ARFGEF1: variants seen among roughly 807,000 people sequenced by gnomAD.
ARFGEF1 encodes ARF guanine nucleotide exchange factor 1.
In ARFGEF1, 42 loss-of-function variants were observed where a neutral mutation model predicts 231.0. The ratio of observed to expected loss-of-function variants is 0.18; its 90% CI spans 0.14 to 0.24. The LOEUF (loss-of-function observed/expected upper bound fraction) is 0.24, where lower values mean the gene tolerates loss of function less well. Ranked by LOEUF, ARFGEF1 falls within the 10% of genes least tolerant of loss-of-function variation. The probability of loss-of-function intolerance (pLI) is 1.00; values close to 1 mark genes in which losing one functional copy is unlikely to be tolerated. For missense variants in ARFGEF1, 1,345 were observed against 2,192.0 expected (o/e 0.61, Z 7.72); for synonymous variants, 710 against 732.3 (o/e 0.97, Z 0.49).
chr8:67,216,768 A>C, intron 32 of ARFGEF1, 106 bp from the exon 33 acceptor site: 2 of 774,966 alleles, frequency 2.6e-6, no homozygotes, highest in Non-Finnish European at 4.0e-6. Context: ...TACCAACTAA[A>C]CAGTCCATCT....
intron 17 of ARFGEF1, among the ~76,000 whole-genome samples, chr8:67,254,149 C>G (rs1355177602): frequency 6.6e-6 from 1 of 152,166 alleles, no homozygotes; most frequent in Non-Finnish European, 1.5e-5. Context: ...TACAAAGTAT[C>G]CTTGGAATGT....
At chr8:67,278,929 A>C (rs1356265895) in intron 7 of ARFGEF1, among the ~76,000 whole-genome samples, 2 of 152,116 alleles carry the variant, frequency 1.3e-5, no homozygotes, top group African/African-American at 4.8e-5. Context: ...CTAATGTTTG[A>C]TGTGCTAAAT....
Position 67,276,067 on chromosome 8 carries a change from A to C in ARFGEF1, c.1246T>G (p.Ser416Ala), listed in dbSNP as rs537950704. Residue 416 changes from serine (S) to alanine (A), a missense_variant, in exon 9 of 39, where the codon TCC becomes GCC. Physicochemically the swap from Ser to Ala is moderately conservative, Grantham distance 99. Transcript: ENST00000262215. The stretch of plus-strand genomic sequence containing the variant: ...AAGGCATCCTTTTGTAAAATGTGGG[A>C]AAACTTAGCACCAGGTGAAGGTCCT... ...SSGPSPGAKF[S>A]HILQKDAFLV... 6.2e-7 allele frequency: 1 copy of C among 1,613,428 alleles called. No individual in the cohort carries two copies. The highest frequency in any genetic ancestry group is 1.7e-5 in the Admixed American group (1 of 59,988).
chr8:67,199,126 G>A, intron 38 of ARFGEF1, 28 bp from the exon 39 acceptor site: 1 of 1,595,280 alleles, frequency 6.3e-7, no homozygotes, highest in Non-Finnish European at 8.5e-7. Context: ...TTCTCCATTA[G>A]TAGTGATTGC....
chr8:67,191,417 T>A (rs1271611135), intron 5 of ARFGEF1, among the ~76,000 whole-genome samples: 1 of 152,268 alleles, frequency 6.6e-6, no homozygotes, highest in Admixed American at 6.5e-5. Flanking sequence ...CGTTATTATA[T>A]GTACAGCATT....
At chr8:67,186,401 A>G (rs1834585462) in intron 5 of ARFGEF1, among the ~76,000 whole-genome samples, 1 of 142,934 alleles carries the variant, frequency 7.0e-6, no homozygotes, top group African/African-American at 2.8e-5. Flanking sequence ...TGTGAAATAA[A>G]CCTCACTGTT....
At chr8:67,292,614 C>T (rs1219679076) in intron 5 of ARFGEF1, among the ~76,000 whole-genome samples, 1 of 151,956 alleles carries the variant, frequency 6.6e-6, no homozygotes, top group Non-Finnish European at 1.5e-5. Context: ...AATAGAATTA[C>T]AATGAAGGCT....
intron 5 of ARFGEF1, chr8:67,175,662 TCAC>T: frequency 4.6e-6 from 3 of 655,002 alleles, no homozygotes; most frequent in South Asian, 4.5e-5. Context: ...GCCCAGTCAT[TCAC>T]TGTAGCCAGG....
At chr8:67,342,164 G>A (rs1307489602) in intron 1 of ARFGEF1, among the ~76,000 whole-genome samples, 2 of 152,142 alleles carry the variant, frequency 1.3e-5, no homozygotes, top group Non-Finnish European at 2.9e-5. Context: ...TATTTCCAGT[G>A]CTATAAAGTG....
intron 7 of ARFGEF1, among the ~76,000 whole-genome samples, chr8:67,286,544 A>G (rs141163369): frequency 0.018 from 2,712 of 152,308 alleles, 41 homozygotes; most frequent in Admixed American, 0.043. Flanking sequence ...ACAAATAAGC[A>G]TGGCTGTGTC....
At chr8:67,314,867 T>G (rs1225676932) in intron 1 of ARFGEF1, among the ~76,000 whole-genome samples, 1 of 152,014 alleles carries the variant, frequency 6.6e-6, no homozygotes, top group East Asian at 1.9e-4. Flanking sequence ...GGACCCCAAC[T>G]CTATAAAAAA....
intron 1 of ARFGEF1, among the ~76,000 whole-genome samples, chr8:67,342,338 A>G (rs763735703): frequency 6.6e-6 from 1 of 152,186 alleles, no homozygotes; most frequent in Non-Finnish European, 1.5e-5. Context: ...TGCGGGCTTC[A>G]TTACACTAGA....
At chr8:67,278,203 C>A (rs1052371673) in intron 7 of ARFGEF1, among the ~76,000 whole-genome samples, 7 of 151,984 alleles carry the variant, frequency 4.6e-5, no homozygotes, top group Non-Finnish European at 7.4e-5. Flanking sequence ...TAAGATAGTA[C>A]GAGAGACACA....
At chr8:67,195,596 TA>T (rs1333717740), downstream of ARFGEF1, 1 of 1,613,446 alleles carries the variant, frequency 6.2e-7, no homozygotes, top group Non-Finnish European at 8.5e-7. Context: ...ATGGTTAAAA[TA>T]AACCTGTACT....
At chr8:67,316,133 T>C (rs1425760408) in intron 1 of ARFGEF1, among the ~76,000 whole-genome samples, 1 of 152,082 alleles carries the variant, frequency 6.6e-6, no homozygotes, top group Non-Finnish European at 1.5e-5. Context: ...TAAGAGGGAC[T>C]AGGTGCAAAC....
At chr8:67,195,398 G>C (rs1193094903), downstream of ARFGEF1, 1 of 1,613,720 alleles carries the variant, frequency 6.2e-7, no homozygotes, top group African/African-American at 1.3e-5. Context: ...AGAGTTCACT[G>C]GTTGACCCTG....
chr8:67,302,233 T>C (rs1023520660), intron 2 of ARFGEF1, among the ~76,000 whole-genome samples: 1 of 152,052 alleles, frequency 6.6e-6, no homozygotes, highest in African/African-American at 2.4e-5. Context: ...TATAAATATA[T>C]ATAAAAATAG....
chr8:67,194,738 T>TATTA (rs568882329), downstream of ARFGEF1, among the ~76,000 whole-genome samples: 395 of 151,776 alleles, frequency 2.6e-3, no homozygotes, highest in Non-Finnish European at 3.8e-3. Context: ...CAGATTTTCC[T>TATTA]ATTATTATAC....
At chr8:67,272,874 G>A (rs1470964559) in intron 9 of ARFGEF1, among the ~76,000 whole-genome samples, 2 of 152,094 alleles carry the variant, frequency 1.3e-5, no homozygotes, top group Non-Finnish European at 2.9e-5. Flanking sequence ...TTGAGAGGCT[G>A]AGGCAGGTCG....
Sources: gnomAD v4.1 joint callset for allele counts (sites outside exome capture counted in the v4.1 genomes callset) on GRCh38, gnomAD v4.1.1 for gene constraint, MANE v1.5 for transcripts, NCBI Gene and HGNC (gene_info 2026-07-23, HGNC 2026-07-21) for gene names.